The following RYR1 variants were observed in gnomAD, a reference collection of about 807,000 sequenced individuals.
The protein encoded by RYR1 is central core disease of muscle.
Under a neutral mutation model 583.5 loss-of-function variants are expected in RYR1, and 342 were observed. The observed-to-expected ratio is 0.59, with a 90% CI of 0.54 to 0.64. RYR1 has a LOEUF of 0.64. Ranked by LOEUF, RYR1 falls within the 30% of genes least tolerant of loss-of-function variation. The pLI is 0.00. For missense variants in RYR1, 6,032 were observed against 6,917.2 expected (o/e 0.87, Z 4.54); for synonymous variants, 2,791 against 2,822.5 (o/e 0.99, Z 0.35).
chr19:38,561,529 AGACCCCACGGGGGCT>A lies in RYR1; in HGVS notation c.12624+77_12624+91del. The A allele has an allele frequency of 7.0e-7, 1 of 1,423,652 alleles. No individual in the cohort carries two copies. Among genetic ancestry groups the A allele is most frequent in the African/African-American group, 1.4e-5 (1 of 71,746 alleles). The allele number at this position is 1,423,652 out of a possible 1,614,324, so 88.2% of individuals were successfully genotyped here. ...GCGGGTGCTCACTTCCTGCACCCTCAGACCCCACGGGGGCTGTGCGTGCCTCGCATATCTGCCCTG... is the reference window on the plus strand; with the variant it reads ...GCGGGTGCTCACTTCCTGCACCCTCAGTGCGTGCCTCGCATATCTGCCCTG... On this transcript the variant is annotated intron_variant, in intron 90 of 105. Coordinates refer to ENST00000359596, the MANE Select transcript of RYR1 (RefSeq NM_000540.3). This position sits in a 1 kb window ranked among gnomAD's most constrained non-coding sequence, Gnocchi z 4.8.
chr19:38,451,473 G>A (rs1967071669), intron 11 of RYR1, among the ~76,000 whole-genome samples: 2 of 152,126 alleles, frequency 1.3e-5, no homozygotes, highest in African/African-American at 4.8e-5. Context: ...ACAGGAAGGA[G>A]ATAGGGATAG....
intron 81 of RYR1, 86 bp from the exon 82 acceptor site, chr19:38,535,911 A>C: frequency 4.2e-6 from 5 of 1,188,064 alleles, no homozygotes; most frequent in Non-Finnish European, 6.2e-6. Flanking sequence ...TCTCCAGGCT[A>C]CCATGGTGGG....
intron 89 of RYR1, among the ~76,000 whole-genome samples, chr19:38,555,313 G>A (rs1380281020): frequency 1.3e-5 from 2 of 151,950 alleles, no homozygotes; most frequent in Non-Finnish European, 2.9e-5. Context: ...TTAGCCGAGT[G>A]TGGTGGCACA....
chr19:38,512,878 A>G lies in RYR1; in HGVS notation c.9472+395A>G, dbSNP rs1009766746. 6.6e-6 allele frequency among the ~76,000 whole-genome samples: 1 copy of G among 152,148 alleles called. No homozygotes were observed. The highest frequency in any genetic ancestry group is 2.4e-5 in the African/African-American group (1 of 41,444). ...GTAATCCCAGCTACTGGGGAGGCTG[A>G]CAAGGGAGGATCACTTGAGTCCAAG... On this transcript the variant is annotated intron_variant, in intron 63 of 105. Transcript: ENST00000359596. This position sits in a 1 kb window ranked among gnomAD's most constrained non-coding sequence, Gnocchi z 5.1.
At chr19:38,571,258 C>T (rs1973700790) in intron 94 of RYR1, among the ~76,000 whole-genome samples, 2 of 152,120 alleles carry the variant, frequency 1.3e-5, no homozygotes, top group Admixed American at 6.6e-5. Flanking sequence ...TGGCGCATGA[C>T]GATAGGCAAG....
intron 61 of RYR1, 111 bp from the exon 62 acceptor site, chr19:38,511,961 C>A: frequency 1.5e-6 from 2 of 1,304,422 alleles, no homozygotes; most frequent in Non-Finnish European, 2.2e-6. Flanking sequence ...AGCATTCCAA[C>A]TTAGCCCGCA....
chr19:38,486,224 C>G, intron 34 of RYR1, 22 bp downstream of exon 34: 1 of 1,612,694 alleles, frequency 6.2e-7, no homozygotes, highest in South Asian at 1.1e-5. Flanking sequence ...CTCCTGCTTT[C>G]CTCTGTCCCA....
chr19:38,502,639 C>A lies in RYR1; in HGVS notation c.7747C>A (p.Leu2583Met), dbSNP rs775707501. The change falls in exon 48 of 106, where the codon CTG (leucine) becomes ATG (methionine). Residue 2583 changes from leucine to methionine, a missense_variant. By Grantham distance (15) the Leu-to-Met change is conservative. This residue lies in a region of RYR1 where 250 missense variants were observed against 162.3 expected (regional missense o/e 1.54). Transcript: ENST00000359596. ...CCGCGCCATCATGGTGGACTCTATG[C>A]TGCATACCGTGTACCGCCTGTCTCG... ...EHRAIMVDSM[L>M]HTVYRLSRGR... 4.3e-6 allele frequency: 7 copies of A among 1,613,114 alleles called. No individual in the cohort carries two copies. Among genetic ancestry groups the A allele is most frequent in the Non-Finnish European group, 5.9e-6 (7 of 1,179,940 alleles).
chr19:38,458,322 C>G, intron 18 of RYR1, 30 bp downstream of exon 18: 2 of 1,604,822 alleles, frequency 1.2e-6, no homozygotes, highest in South Asian at 2.2e-5. Context: ...GGACCCTCAC[C>G]CCTGACCATT....
At chr19:38,435,542 G>A (rs1286508547) in intron 1 of RYR1, among the ~76,000 whole-genome samples, 1 of 152,096 alleles carries the variant, frequency 6.6e-6, no homozygotes, top group African/African-American at 2.4e-5. Flanking sequence ...GACCAGCCTG[G>A]CCAACATGGT....
chr19:38,550,469 A>G (rs1390752975), intron 89 of RYR1, among the ~76,000 whole-genome samples: 1 of 152,146 alleles, frequency 6.6e-6, no homozygotes, highest in Non-Finnish European at 1.5e-5. Flanking sequence ...AGTGTAATGT[A>G]TTAGGAGGCA....
intron 76 of RYR1, among the ~76,000 whole-genome samples, chr19:38,530,896 G>A (rs548419754): frequency 3.8e-4 from 58 of 151,906 alleles, no homozygotes; most frequent in Non-Finnish European, 7.4e-4. Context: ...TCCACCTCCC[G>A]GGTTCAAGCG....
chr19:38,506,197 G>A, intron 54 of RYR1, 106 bp from the exon 55 acceptor site: 1 of 1,244,706 alleles, frequency 8.0e-7, no homozygotes, highest in South Asian at 1.2e-5. Context: ...CTTGAGCCAG[G>A]GGAGGGTGGA....
chr19:38,480,375 C>T (rs1968949056), intron 31 of RYR1, among the ~76,000 whole-genome samples: 1 of 151,994 alleles, frequency 6.6e-6, no homozygotes. Context: ...AACTCTTGGG[C>T]TCAAGCAATC....
intron 56 of RYR1, 93 bp downstream of exon 56, chr19:38,506,639 A>T (rs1448617762): frequency 1.3e-6 from 2 of 1,521,398 alleles, no homozygotes; most frequent in Non-Finnish European, 9.0e-7. Flanking sequence ...CGGTTTCTCC[A>T]TCTGTAGATG....
At chr19:38,528,929 C>G in intron 75 of RYR1, 22 bp from the exon 76 acceptor site, 1 of 1,602,270 alleles carries the variant, frequency 6.2e-7, no homozygotes, top group Non-Finnish European at 8.5e-7. Context: ...ACCCTCTCCC[C>G]AAGTCTCCCC....
In RYR1 at chr19:38,485,707, G is replaced by C; in HGVS notation, c.5052G>C (p.Leu1684=). Residue 1684 remains leucine (L), a synonymous_variant, in exon 34 of 106, where the codon CTG becomes CTC. Transcript: ENST00000359596. ...GCAACAATCGCGTGGCGCACGCTCT[G>C]TGCAGCCACGTAGACCAAGCTCAGC... ...ALGNNRVAHA[L]CSHVDQAQLL... 6.2e-7 allele frequency: 1 copy of C among 1,611,934 alleles called. No individual in the cohort carries two copies. The highest frequency in any genetic ancestry group is 8.5e-7 in the Non-Finnish European group (1 of 1,179,884).
chr19:38,456,274 ATTT>A (rs769713059), intron 16 of RYR1, among the ~76,000 whole-genome samples: 5 of 106,678 alleles, frequency 4.7e-5, no homozygotes, highest in Admixed American at 1.2e-4. Context: ...AGCGCCTGGC[ATTT>A]TTTTTTTTTT....
chr19:38,502,913 G>C lies in RYR1; in HGVS notation c.7869G>C (p.Leu2623Phe). The stretch of plus-strand genomic sequence containing the variant: ...GCCCGTCGATGCTGCAGCACCTGTT[G>C]CGCCGCCTGGTGTTCGACGTGCCCA... ...YIRPSMLQHL[L>F]RRLVFDVPIL... Residue 2623 changes from leucine to phenylalanine, a missense_variant, in exon 49 of 106, where the codon TTG becomes TTC. Leu to Phe is a conservative substitution (Grantham distance 22, BLOSUM62 0). This residue lies in a region of RYR1 where 250 missense variants were observed against 162.3 expected (regional missense o/e 1.54). Coordinates refer to ENST00000359596, the MANE Select transcript of RYR1 (RefSeq NM_000540.3). The C allele has an allele frequency of 6.2e-7, 1 of 1,611,898 alleles. No homozygotes were observed. Among genetic ancestry groups the C allele is most frequent in the Non-Finnish European group, 8.5e-7 (1 of 1,179,998 alleles).
Sources: gnomAD v4.1 joint callset for allele counts (sites outside exome capture counted in the v4.1 genomes callset) on GRCh38, gnomAD v4.1.1 for gene constraint, gnomAD v4.1.1 regional missense constraint, Gnocchi (gnomAD v3.1) non-coding constraint, MANE v1.5 for transcripts, NCBI Gene and HGNC (gene_info 2026-07-23, HGNC 2026-07-21) for gene names.